The following DNAI7 variants were observed in gnomAD, a reference collection of about 807,000 sequenced individuals.
The protein encoded by DNAI7 is cancer susceptibility 1.
DNAI7 carries 78 observed loss-of-function variants against 86.6 expected under a neutral mutation model. The ratio of observed to expected loss-of-function variants is 0.90; its 90% CI spans 0.75 to 1.09. The LOEUF is 1.09. Ranked by LOEUF, DNAI7 falls within the 50% of genes least tolerant of loss-of-function variation. The pLI is 0.00. For missense variants in DNAI7, 753 were observed against 810.2 expected (o/e 0.93, Z 0.86); for synonymous variants, 274 against 273.0 (o/e 1.00, Z -0.04).
chr12:25,189,502 C>T (rs1443688266), intron 2 of DNAI7, among the ~76,000 whole-genome samples: 1 of 152,000 alleles, frequency 6.6e-6, no homozygotes, highest in African/African-American at 2.4e-5. Context: ...ATTAGACAGG[C>T]ATGGTGGCGC....
chr12:25,148,598 G>A (rs976762973), intron 7 of DNAI7, among the ~76,000 whole-genome samples: 1 of 152,144 alleles, frequency 6.6e-6, no homozygotes, highest in Admixed American at 6.5e-5. Context: ...ATCCACATTA[G>A]ATAGATGGCA....
At position 25,168,880 on chromosome 12, in the gene DNAI7, G is replaced by A. The variant is rs148096815; in HGVS notation, c.22-7683C>T. 8.9e-3 allele frequency among the ~76,000 whole-genome samples: 1,353 copies of A among 151,888 alleles called. 7 individuals are homozygous for A. The highest frequency in any genetic ancestry group is 0.02 in the Middle Eastern group (6 of 294). ...CAGGCCATCACCAATAATTCTACACGACAAAATGTTTCTTCTAACAACCCC... is the reference window on the plus strand; with the variant it reads ...CAGGCCATCACCAATAATTCTACACAACAAAATGTTTCTTCTAACAACCCC... On this transcript the variant is annotated intron_variant, in intron 2 of 15. Coordinates refer to ENST00000395987, the MANE Select transcript of DNAI7 (RefSeq NM_018272.5).
At position 25,119,256 on chromosome 12, in the gene DNAI7, T is replaced by C. The variant is rs767469847; in HGVS notation, c.1285A>G (p.Thr429Ala). Residue 429 changes from threonine to alanine, a missense_variant, in exon 12 of 16, where the codon ACA (threonine) becomes GCA (alanine). By Grantham distance (58) the Thr-to-Ala change is moderately conservative. Transcript: ENST00000395987. ...LQKYTYPPETTEEFETENAFP... is the reference protein window; with the variant it reads ...LQKYTYPPETAEEFETENAFP... ...GCATTTTCTGTCTCAAACTCTTCTG[T>C]AGTTTCCGGAGGATATGTGTATTTC... is the stretch of plus-strand genomic sequence containing the variant. 3 of 1,611,900 alleles carry C rather than the reference T, an allele frequency of 1.9e-6. No individual in the cohort carries two copies. In the Admixed American group the frequency reaches 5.0e-5, roughly 27 times the overall value.
intron 9 of DNAI7, among the ~76,000 whole-genome samples, chr12:25,141,638 G>A (rs902887143): frequency 6.6e-6 from 1 of 152,154 alleles, no homozygotes; most frequent in Admixed American, 6.5e-5. Flanking sequence ...AGACCATCCT[G>A]GCTAACATGG....
chr12:25,143,563 C>A (rs959941888), intron 9 of DNAI7, among the ~76,000 whole-genome samples: 1 of 152,146 alleles, frequency 6.6e-6, no homozygotes, highest in Non-Finnish European at 1.5e-5. Flanking sequence ...AAATTGAATT[C>A]TTAATAAATC....
intron 2 of DNAI7, among the ~76,000 whole-genome samples, chr12:25,179,744 A>T (rs1467151576): frequency 2.1e-5 from 3 of 139,752 alleles, no homozygotes; most frequent in East Asian, 2.0e-4. Flanking sequence ...TTTCATGATT[A>T]AAAAAAAAAA....
intron 2 of DNAI7, among the ~76,000 whole-genome samples, chr12:25,163,276 A>G (rs991517335): frequency 6.6e-6 from 1 of 152,142 alleles, no homozygotes; most frequent in Non-Finnish European, 1.5e-5. Flanking sequence ...ACACATCTAG[A>G]TGGCCGGTTC....
intron 7 of DNAI7, among the ~76,000 whole-genome samples, chr12:25,148,357 T>A (rs1244249320): frequency 6.6e-6 from 1 of 152,162 alleles, no homozygotes; most frequent in Non-Finnish European, 1.5e-5. Flanking sequence ...ACATATGATG[T>A]TCCACTATTA....
intron 2 of DNAI7, among the ~76,000 whole-genome samples, chr12:25,171,856 C>T (rs954907167): frequency 6.6e-6 from 1 of 152,148 alleles, no homozygotes; most frequent in African/African-American, 2.4e-5. Context: ...GAATTAAAAA[C>T]AAAAATCACA....
chr12:25,130,929 A>G (rs1004934441), intron 9 of DNAI7, among the ~76,000 whole-genome samples: 5 of 152,152 alleles, frequency 3.3e-5, no homozygotes, highest in African/African-American at 1.2e-4. Flanking sequence ...GAAAATGTGT[A>G]CATCATCTAA....
intron 2 of DNAI7, among the ~76,000 whole-genome samples, chr12:25,173,924 T>TATATA (rs1565807496): frequency 2.4e-4 from 4 of 16,784 alleles, no homozygotes; most frequent in Non-Finnish European, 5.6e-4. Flanking sequence ...GGAATATATA[T>TATATA]ATCATATATA....
At chr12:25,133,830 A>T (rs1943221322) in intron 9 of DNAI7, among the ~76,000 whole-genome samples, 2 of 152,324 alleles carry the variant, frequency 1.3e-5, no homozygotes, top group South Asian at 4.1e-4. Flanking sequence ...TCCCATGGAT[A>T]TAAATCCTCC....
intron 12 of DNAI7, among the ~76,000 whole-genome samples, chr12:25,117,161 T>G (rs369834484): frequency 6.6e-6 from 1 of 152,092 alleles, no homozygotes; most frequent in Non-Finnish European, 1.5e-5. Context: ...CTTGAACTCC[T>G]GAGCTCAAGT....
At chr12:25,162,115 AAAG>A (rs1191499328) in intron 2 of DNAI7, among the ~76,000 whole-genome samples, 2 of 152,138 alleles carry the variant, frequency 1.3e-5, no homozygotes, top group Admixed American at 6.5e-5. Flanking sequence ...GATATCCCAA[AAAG>A]AAGGAAATGA....
Position 25,123,296 on chromosome 12 carries a change from A to C in DNAI7, c.1003-10T>G, listed in dbSNP as rs977714328. 6.3e-7 allele frequency: 1 copy of C among 1,590,336 alleles called. No homozygotes were observed. The highest frequency in any genetic ancestry group is 8.6e-7 in the Non-Finnish European group (1 of 1,165,516). On this transcript the variant is annotated splice_polypyrimidine_tract_variant and intron_variant, in intron 9 of 15. Coordinates refer to ENST00000395987, the MANE Select transcript of DNAI7 (RefSeq NM_018272.5). ...CTTCCTCAGCAGAACTCTATAAAAAACCACAGACATATGGGTGTGATTGTC... is the reference window on the plus strand; with the variant it reads ...CTTCCTCAGCAGAACTCTATAAAAACCCACAGACATATGGGTGTGATTGTC...
At chr12:25,190,683 C>T (rs1950439223) in intron 1 of DNAI7, 52 bp from the exon 2 acceptor site, 1 of 1,058,522 alleles carries the variant, frequency 9.4e-7, no homozygotes, top group East Asian at 2.6e-5. Flanking sequence ...AATTCTGATA[C>T]AAAAGTATCA....
At chr12:25,111,068 AAT>A (rs1938727056) in intron 14 of DNAI7, among the ~76,000 whole-genome samples, 1 of 152,118 alleles carries the variant, frequency 6.6e-6, no homozygotes, top group African/African-American at 2.4e-5. Flanking sequence ...ATATTATATA[AAT>A]ATCTACTTAT....
intron 10 of DNAI7, 53 bp from the exon 11 acceptor site, chr12:25,121,966 T>C: frequency 7.9e-7 from 1 of 1,270,940 alleles, no homozygotes; most frequent in Non-Finnish European, 1.1e-6. Flanking sequence ...TAGTATGTTC[T>C]TAGGAAAGAA....
chr12:25,111,968 T>G (rs771198615), intron 13 of DNAI7, 29 bp from the exon 14 acceptor site: 3 of 1,467,930 alleles, frequency 2.0e-6, no homozygotes, highest in Non-Finnish European at 2.8e-6. Flanking sequence ...AAGAAGCTTT[T>G]ATGTAAGTTA....
Sources: gnomAD v4.1 joint callset for allele counts (sites outside exome capture counted in the v4.1 genomes callset) on GRCh38, gnomAD v4.1.1 for gene constraint, MANE v1.5 for transcripts, NCBI Gene and HGNC (gene_info 2026-07-23, HGNC 2026-07-21) for gene names.